EPM2A: variants seen among roughly 807,000 people sequenced by gnomAD.
EPM2A encodes EPM2A glucan phosphatase, laforin, also known as laforin.
A neutral mutation model predicts 26.5 loss-of-function variants in EPM2A; 21 were observed. That is an observed-to-expected ratio of 0.79 (90% CI 0.56 to 1.14). The LOEUF is 1.14. Among genes scored for constraint, EPM2A ranks in the 50% most tolerant of loss-of-function variants. The pLI, the probability that EPM2A is intolerant of heterozygous loss-of-function variation, is 0.00. For missense variants in EPM2A, 458 were observed against 440.8 expected (o/e 1.04, Z -0.35); for synonymous variants, 217 against 177.6 (o/e 1.22, Z -1.76).
chr6:145,402,415 A>T (rs1191480836), intron 4 of EPM2A, among the ~76,000 whole-genome samples: 2 of 152,158 alleles, frequency 1.3e-5, no homozygotes, highest in Admixed American at 6.6e-5. Context: ...ATTAAAGGAG[A>T]TAAAGACGCA....
At chr6:145,509,444 T>C (rs1241788314) in intron 2 of EPM2A, among the ~76,000 whole-genome samples, 3 of 152,202 alleles carry the variant, frequency 2.0e-5, no homozygotes, top group Non-Finnish European at 4.4e-5. Flanking sequence ...TTAGCATTTT[T>C]AAAGAAAAGA....
intron 2 of EPM2A, among the ~76,000 whole-genome samples, chr6:145,509,841 A>G (rs1416174924): frequency 1.3e-5 from 2 of 152,190 alleles, no homozygotes; most frequent in African/African-American, 4.8e-5. Flanking sequence ...TAAGAGATCT[A>G]TCTCACATGT....
At chr6:145,662,705 C>G (rs1430482005) in intron 2 of EPM2A, among the ~76,000 whole-genome samples, 4 of 152,116 alleles carry the variant, frequency 2.6e-5, no homozygotes, top group Admixed American at 1.3e-4. Context: ...AGGATTCTCA[C>G]TAAAGTCATG....
intron 3 of EPM2A, chr6:145,633,829 G>A (rs1004694040): frequency 1.3e-5 from 2 of 152,248 alleles, no homozygotes; most frequent in African/African-American, 4.8e-5. Flanking sequence ...AATGCAGGGA[G>A]AAGCTTCATA....
chr6:145,561,645 ACGTATC>A (rs1206903996), intron 2 of EPM2A, among the ~76,000 whole-genome samples: 8 of 152,148 alleles, frequency 5.3e-5, no homozygotes, highest in Admixed American at 5.2e-4. Flanking sequence ...ATTCTGTGAC[ACGTATC>A]TTCTCTTGTC....
chr6:145,417,719 A>T (rs1562326944), intron 4 of EPM2A, among the ~76,000 whole-genome samples: 1 of 152,124 alleles, frequency 6.6e-6, no homozygotes, highest in East Asian at 1.9e-4. Flanking sequence ...TATGCTACCA[A>T]CTTTCAATCC....
intron 4 of EPM2A, among the ~76,000 whole-genome samples, chr6:145,472,862 A>C (rs1779494253): frequency 6.6e-6 from 1 of 152,172 alleles, no homozygotes; most frequent in South Asian, 2.1e-4. Flanking sequence ...CTTAAAGCAG[A>C]AACTGCTTAG....
intron 2 of EPM2A, among the ~76,000 whole-genome samples, chr6:145,541,851 T>C (rs1780515371): frequency 6.6e-6 from 1 of 152,136 alleles, no homozygotes; most frequent in African/African-American, 2.4e-5. Flanking sequence ...TTCTGTACCT[T>C]GAAAGGCACA....
chr6:145,561,786 A>C (rs1010760476), intron 2 of EPM2A, among the ~76,000 whole-genome samples: 2 of 152,200 alleles, frequency 1.3e-5, no homozygotes, highest in Admixed American at 6.6e-5. Flanking sequence ...GTTTTTCTGC[A>C]TGCAGAAACC....
At chr6:145,571,429 T>A (rs1780954039) in intron 2 of EPM2A, among the ~76,000 whole-genome samples, 1 of 152,178 alleles carries the variant, frequency 6.6e-6, no homozygotes, top group Non-Finnish European at 1.5e-5. Flanking sequence ...TCAGAGGCAA[T>A]GCTGTGTGGA....
intron 1 of EPM2A, among the ~76,000 whole-genome samples, chr6:145,695,101 A>G (rs563986766): frequency 6.6e-6 from 1 of 152,144 alleles, no homozygotes; most frequent in East Asian, 1.9e-4. Context: ...TGTGGCTTTG[A>G]TAAATTGTTA....
intron 2 of EPM2A, among the ~76,000 whole-genome samples, chr6:145,599,747 A>G (rs1413590730): frequency 6.6e-6 from 1 of 152,010 alleles, no homozygotes; most frequent in Non-Finnish European, 1.5e-5. Flanking sequence ...GAGTCCTTTG[A>G]GCATGGATTT....
intron 2 of EPM2A, among the ~76,000 whole-genome samples, chr6:145,522,241 C>T (rs1024343817): frequency 5.9e-5 from 9 of 152,192 alleles, no homozygotes; most frequent in South Asian, 2.1e-4. Flanking sequence ...CATGAGCCAC[C>T]GCGCCTGGCC....
rs1423867237 is a variant in EPM2A, at chr6:145,718,090, A to T, written c.301+17108T>A. Among the ~76,000 whole-genome samples the T allele has an allele frequency of 4.6e-5, 7 of 152,000 alleles. No individual in the cohort carries two copies. In the East Asian group the frequency reaches 1.4e-3, roughly 29 times the overall value. On this transcript the variant is annotated intron_variant, in intron 1 of 3. Coordinates refer to ENST00000367519, the MANE Select transcript of EPM2A (RefSeq NM_005670.4). ...TGCCATCCCCATCAGGCTACCAATG[A>T]CTTTCTTCACAGAATTGGAAAAAAC...
intron 2 of EPM2A, among the ~76,000 whole-genome samples, chr6:145,654,876 A>G (rs1778149717): frequency 6.6e-6 from 1 of 152,108 alleles, no homozygotes. Flanking sequence ...AGATTCTCTT[A>G]CTTCACTTGT....
intron 2 of EPM2A, among the ~76,000 whole-genome samples, chr6:145,530,197 C>T (rs956183856): frequency 3.9e-5 from 6 of 152,146 alleles, no homozygotes; most frequent in Non-Finnish European, 8.8e-5. Context: ...TATGCCTTTC[C>T]CCTAATTAGG....
chr6:145,412,472 A>G (rs1045820552), intron 4 of EPM2A, among the ~76,000 whole-genome samples: 1 of 152,194 alleles, frequency 6.6e-6, no homozygotes, highest in East Asian at 1.9e-4. Flanking sequence ...GGGACAAATA[A>G]GAGAGAAAAT....
intron 4 of EPM2A, among the ~76,000 whole-genome samples, chr6:145,392,644 T>C (rs1280815607): frequency 5.3e-5 from 8 of 152,110 alleles, no homozygotes; most frequent in African/African-American, 1.9e-4. Flanking sequence ...AAACTGATCT[T>C]GTGACTATTA....
intron 1 of EPM2A, among the ~76,000 whole-genome samples, chr6:145,707,533 G>GTTTTTC (rs2128629727): frequency 6.6e-6 from 1 of 152,220 alleles, no homozygotes; most frequent in East Asian, 1.9e-4. Flanking sequence ...ATGGGGGTGG[G>GTTTTTC]TTTTTCCCTG....
Sources: gnomAD v4.1 joint callset for allele counts (sites outside exome capture counted in the v4.1 genomes callset) on GRCh38, gnomAD v4.1.1 for gene constraint, MANE v1.5 for transcripts, NCBI Gene and HGNC (gene_info 2026-07-23, HGNC 2026-07-21) for gene names.